SLC39A11: variants seen among roughly 807,000 people sequenced by gnomAD.
SLC39A11 encodes solute carrier family 39 member 11.
In SLC39A11, 33 loss-of-function variants were observed where a neutral mutation model predicts 36.1. The observed-to-expected ratio is 0.91, with a 90% CI of 0.69 to 1.22. The LOEUF (loss-of-function observed/expected upper bound fraction) is 1.22, where lower values mean the gene tolerates loss of function less well. Among genes scored for constraint, SLC39A11 ranks in the 50% most tolerant of loss-of-function variants. SLC39A11 has a pLI of 0.00. For synonymous variants in SLC39A11, 166 were observed against 170.3 expected (o/e 0.97, Z 0.20); for missense variants, 432 against 430.3 (o/e 1.00, Z -0.03).
intron 4 of SLC39A11, among the ~76,000 whole-genome samples, chr17:72,996,105 A>G (rs985275347): frequency 6.6e-6 from 1 of 152,042 alleles, no homozygotes; most frequent in African/African-American, 2.4e-5. Context: ...CTAAAATGCA[A>G]ATCTGAAGAT....
chr17:72,877,798 T>A (rs1456372950), intron 5 of SLC39A11, among the ~76,000 whole-genome samples: 2 of 151,764 alleles, frequency 1.3e-5, no homozygotes, highest in Non-Finnish European at 1.5e-5. Context: ...TCTTCATTTT[T>A]ATTTTTTTAT....
rs376804587 is a variant in SLC39A11 at position 72,980,454 on chromosome 17, G to A, written c.307-32579C>T. 4.9e-4 allele frequency among the ~76,000 whole-genome samples: 75 copies of A among 152,244 alleles called. 1 individual carries two copies. In the South Asian group the frequency reaches 0.012, roughly 25 times the overall value. On this transcript the variant is annotated intron_variant, in intron 4 of 9. Transcript: ENST00000255559. ...TTGTTCTTAGGCAGAAACGCTCATC[G>A]TCATAAACCTGTCATTTCTGCCTAC...
chr17:72,832,932 T>A (rs1401629791), intron 6 of SLC39A11, among the ~76,000 whole-genome samples: 1 of 152,182 alleles, frequency 6.6e-6, no homozygotes, highest in Non-Finnish European at 1.5e-5. Flanking sequence ...GGAGGGAGAC[T>A]CATCAGCAGA....
At chr17:72,684,885 C>G (rs1011988648) in intron 7 of SLC39A11, among the ~76,000 whole-genome samples, 3 of 152,156 alleles carry the variant, frequency 2.0e-5, no homozygotes, top group Non-Finnish European at 4.4e-5. Flanking sequence ...TCTGGGCACA[C>G]AAGTTTGTCT....
chr17:72,976,669 T>G lies in SLC39A11; in HGVS notation c.307-28794A>C, dbSNP rs1396490308. 2.0e-5 allele frequency among the ~76,000 whole-genome samples: 3 copies of G among 151,972 alleles called. No individual in the cohort carries two copies. In the South Asian group the frequency reaches 6.2e-4, roughly 32 times the overall value. The stretch of plus-strand genomic sequence containing the variant: ...ATCGAGACCATCCAGGCCAACATGG[T>G]GAAACCCCAATCTCTACTAAAAATA... On this transcript the variant is annotated intron_variant, in intron 4 of 9. Transcript: ENST00000255559.
intron 6 of SLC39A11, among the ~76,000 whole-genome samples, chr17:72,829,484 G>C (rs554268423): frequency 6.6e-6 from 1 of 152,232 alleles, no homozygotes; most frequent in East Asian, 1.9e-4. Context: ...GGACAGGGAA[G>C]AGCTAAGACA....
At chr17:73,081,272 C>T (rs1489150712) in intron 3 of SLC39A11, among the ~76,000 whole-genome samples, 3 of 152,066 alleles carry the variant, frequency 2.0e-5, no homozygotes, top group Non-Finnish European at 4.4e-5. Flanking sequence ...CACAATGCAA[C>T]ACCCCTTACT....
intron 3 of SLC39A11, among the ~76,000 whole-genome samples, chr17:73,036,068 G>A (rs1382866285): frequency 1.3e-5 from 2 of 152,236 alleles, no homozygotes; most frequent in Non-Finnish European, 2.9e-5. Flanking sequence ...CCTCCAAGAG[G>A]AACCCAGCCC....
intron 6 of SLC39A11, among the ~76,000 whole-genome samples, chr17:72,808,835 T>G (rs1002886071): frequency 1.3e-5 from 2 of 151,634 alleles, no homozygotes; most frequent in African/African-American, 2.4e-5. Context: ...CTTCCACACC[T>G]CTATGATTTC....
At chr17:72,993,271 T>C (rs752052356) in intron 4 of SLC39A11, among the ~76,000 whole-genome samples, 22 of 152,238 alleles carry the variant, frequency 1.4e-4, no homozygotes, top group Non-Finnish European at 2.4e-4. Context: ...TACACATTTG[T>C]CAAAACACAC....
chr17:72,781,158 T>C (rs2076304222), intron 6 of SLC39A11, among the ~76,000 whole-genome samples: 1 of 152,102 alleles, frequency 6.6e-6, no homozygotes. Flanking sequence ...TAAAATAAAG[T>C]CATATTTATA....
At position 72,718,980 on chromosome 17, in the gene SLC39A11, T is replaced by G. The variant is rs182388478; in HGVS notation, c.671+17670A>C. Among the ~76,000 whole-genome samples the G allele has an allele frequency of 5.8e-4, 88 of 152,044 alleles. 1 individual carries two copies. The East Asian group carries it at 0.017, about 29-fold the overall frequency. ...TCTACCAGGTTCAGTGGCTCACGCC[T>G]GCAATCCTAGCACTTTGGGAGGCTG... On this transcript the variant is annotated intron_variant, in intron 7 of 9. Coordinates refer to ENST00000255559, the MANE Select transcript of SLC39A11 (RefSeq NM_139177.4).
chr17:73,068,627 GAC>G (rs1333447884), intron 3 of SLC39A11, among the ~76,000 whole-genome samples: 2 of 152,272 alleles, frequency 1.3e-5, no homozygotes, highest in East Asian at 3.9e-4. Context: ...GTTGGCCCCA[GAC>G]ACACAGTTCC....
At chr17:72,649,060 C>A in intron 8 of SLC39A11, 99 bp from the exon 9 acceptor site, 1 of 1,540,332 alleles carries the variant, frequency 6.5e-7, no homozygotes, top group South Asian at 1.2e-5. Context: ...GGATGCATGC[C>A]ATTCTACGTC....
intron 5 of SLC39A11, among the ~76,000 whole-genome samples, chr17:72,856,290 T>C (rs182512717): frequency 5.5e-4 from 84 of 152,328 alleles, no homozygotes; most frequent in African/African-American, 1.9e-3. Flanking sequence ...TCTTAATGGG[T>C]ATTTCTTTGA....
chr17:72,953,996 C>A (rs544406477), intron 4 of SLC39A11, among the ~76,000 whole-genome samples: 1 of 152,312 alleles, frequency 6.6e-6, no homozygotes, highest in African/African-American at 2.4e-5. Flanking sequence ...GCTGTGATGA[C>A]CCTGCACGTT....
At chr17:73,070,568 C>A (rs2060132083) in intron 3 of SLC39A11, among the ~76,000 whole-genome samples, 1 of 152,166 alleles carries the variant, frequency 6.6e-6, no homozygotes, top group African/African-American at 2.4e-5. Context: ...CCGATTAGAA[C>A]AGGGGTTCCC....
chr17:73,073,161 C>T (rs1005422394), intron 3 of SLC39A11, among the ~76,000 whole-genome samples: 1 of 152,218 alleles, frequency 6.6e-6, no homozygotes, highest in Non-Finnish European at 1.5e-5. Context: ...GCCTGGGTGA[C>T]GGAGTGGGAC....
At chr17:72,778,040 G>A (rs1236480062) in intron 6 of SLC39A11, among the ~76,000 whole-genome samples, 1 of 152,154 alleles carries the variant, frequency 6.6e-6, no homozygotes, top group Non-Finnish European at 1.5e-5. Flanking sequence ...GAATAGCTGG[G>A]ATTACAGGTG....
Sources: allele counts gnomAD v4.1 joint callset (sites outside exome capture counted in the v4.1 genomes callset), GRCh38; gene constraint gnomAD v4.1.1; transcripts MANE v1.5; gene names NCBI Gene and HGNC (gene_info 2026-07-23, HGNC 2026-07-21).